Variants in GOLGA2 observed in about 807,000 individuals in gnomAD.
GOLGA2 encodes golgin A2, also known as golgin subfamily A member 2.
In GOLGA2, 49 loss-of-function variants were observed where a neutral mutation model predicts 148.8. That is an observed-to-expected ratio of 0.33 (90% CI 0.26 to 0.42). The LOEUF (loss-of-function observed/expected upper bound fraction) is 0.42, where lower values mean the gene tolerates loss of function less well. GOLGA2 is among the 10% of genes least tolerant of loss of function. GOLGA2 has a pLI of 1.00. For synonymous variants in GOLGA2, 501 were observed against 511.8 expected, an observed-to-expected ratio of 0.98 and a Z score of 0.28; for missense variants, 1,178 against 1,304.6, an observed-to-expected ratio of 0.90 and a Z score of 1.49.
At chr9:128,274,404 A>G (rs577265149) in intron 1 of GOLGA2, among the ~76,000 whole-genome samples, 2 of 152,318 alleles carry the variant, frequency 1.3e-5, no homozygotes, top group South Asian at 4.1e-4. Flanking sequence ...GAGGTGGAGA[A>G]GTCAAGCCTG....
chr9:128,262,927 C>T (rs1830360612), intron 13 of GOLGA2, 107 bp downstream of exon 13: 5 of 869,830 alleles, frequency 5.7e-6, no homozygotes, highest in Non-Finnish European at 9.7e-6. Flanking sequence ...GGCACACATG[C>T]ACACCTCTAT....
rs776699882 is a variant in GOLGA2 at position 128,268,511 on chromosome 9, T to C, written c.302A>G (p.Asn101Ser). The C allele has an allele frequency of 1.2e-5, 19 of 1,606,386 alleles. No homozygotes were observed. Among genetic ancestry groups the C allele is most frequent in the Non-Finnish European group, 1.4e-5 (17 of 1,174,440 alleles). The change falls in exon 4 of 27, where the codon AAT becomes AGT. Residue 101 changes from asparagine (N) to serine (S), a missense_variant. Transcript: ENST00000611957. ...PLDKWKTPKD[N>S]AATLQPSDDT... is the part of the protein sequence containing the mutation. ...ATCAGATGGTTGTAGAGTAGCAGCA[T>C]TGTCCTTGGGTGTCTGTCACAGAAC...
Position 128,267,182 on chromosome 9 carries a change from C to G in GOLGA2, c.642+12G>C. 2 of 1,504,938 alleles carry G rather than the reference C, an allele frequency of 1.3e-6. No individual in the cohort carries two copies. Among genetic ancestry groups the G allele is most frequent in the Non-Finnish European group, 1.9e-6 (2 of 1,080,550 alleles). The allele number at this position is 1,504,938 out of a possible 1,614,324, so 93.2% of individuals were successfully genotyped here. Reference sequence around the variant, plus strand: ...AGCAGCATGGAATCAGGGGACCCCACTGGACTCTTACCAATTTCTCTATCG... The same window carrying G: ...AGCAGCATGGAATCAGGGGACCCCAGTGGACTCTTACCAATTTCTCTATCG... On this transcript the variant is annotated intron_variant, in intron 8 of 26. Coordinates refer to ENST00000611957, the MANE Select transcript of GOLGA2 (RefSeq NM_001366244.2).
Position 128,268,403 on chromosome 9 carries a change from G to A in GOLGA2, c.393+17C>T, listed in dbSNP as rs1271786414. ...AGGTACAGGAGGGCAGTGGGCAGAG[G>A]GGGAGGAGGCACGAACCTGAGATGC... On this transcript the variant is annotated intron_variant, in intron 4 of 26. Transcript: ENST00000611957. 7.2e-7 allele frequency: 1 copy of A among 1,393,588 alleles called. No individual in the cohort carries two copies. Among genetic ancestry groups the A allele is most frequent in the African/African-American group, 1.4e-5 (1 of 70,828 alleles). 86.3% of individuals were successfully genotyped at this position (1,393,588 alleles called of 1,614,324 possible).
intron 12 of GOLGA2, among the ~76,000 whole-genome samples, chr9:128,265,313 G>A (rs1369788619): frequency 6.6e-6 from 1 of 152,100 alleles, no homozygotes; most frequent in South Asian, 2.1e-4. Context: ...CCCCACCTAG[G>A]ACTTGACCAA....
chr9:128,273,309 GGAGGAAACT>G (rs1831071886), intron 2 of GOLGA2, among the ~76,000 whole-genome samples: 1 of 152,228 alleles, frequency 6.6e-6, no homozygotes, highest in Non-Finnish European at 1.5e-5. Flanking sequence ...ACCTCACAGA[GGAGGAAACT>G]GAGGCCCAGG....
At position 128,257,535 on chromosome 9, in the gene GOLGA2, G is replaced by T. The variant is rs772411299; in HGVS notation, c.2719-10C>A. The T allele has an allele frequency of 1.9e-6, 3 of 1,613,916 alleles. No individual in the cohort carries two copies. The African/African-American group carries it at 4.0e-5, about 22-fold the overall frequency. ...GCTCCAGCAGCTTCACCTGGAGGGA[G>T]GGGTGCTAAGCTGCCATGCCCATGC... On this transcript the variant is annotated splice_polypyrimidine_tract_variant and intron_variant, in intron 25 of 26. Transcript: ENST00000611957. This position sits in a 1 kb window ranked among gnomAD's most constrained non-coding sequence, Gnocchi z 8.0.
At position 128,260,155 on chromosome 9, in the gene GOLGA2, T is replaced by A; in HGVS notation, c.1793A>T (p.Gln598Leu). 5 of 1,609,912 alleles carry A rather than the reference T, an allele frequency of 3.1e-6. No individual in the cohort carries two copies. The highest frequency in any genetic ancestry group is 4.2e-6 in the Non-Finnish European group (5 of 1,179,534). ...NENMEITSAL[Q>L]SEQHVKRELG... ...CTCCCTCTTGACGTGCTGCTCCGAC[T>A]GCAGTGCGCTGGTGATCTCCATGTT... Residue 598 changes from glutamine to leucine, a missense_variant, in exon 19 of 27, where the codon CAG (glutamine) becomes CTG (leucine). Around this residue, in one of 5 missense-constraint regions of GOLGA2, gnomAD observed 529 missense variants for 521.8 expected, o/e 1.01. Transcript: ENST00000611957. The surrounding 1 kb of genome is among the most constrained non-coding windows in gnomAD (Gnocchi z 4.8).
chr9:128,273,730 G>C (rs781295485), intron 2 of GOLGA2, 120 bp downstream of exon 2: 1 of 1,268,122 alleles, frequency 7.9e-7, no homozygotes, highest in Non-Finnish European at 1.1e-6. Context: ...CAGATGGACA[G>C]GTAGGATACA....
At chr9:128,275,400 G>T in intron 1 of GOLGA2, 4 of 1,286,080 alleles carry the variant, frequency 3.1e-6, no homozygotes, top group Non-Finnish European at 4.0e-6. Context: ...CCAAGTCGCC[G>T]CTCCGCGATG....
At position 128,265,710 on chromosome 9, in the gene GOLGA2, A is replaced by C. The variant is rs756276650; in HGVS notation, c.827-19T>G. The C allele has an allele frequency of 1.9e-6, 3 of 1,612,632 alleles. No homozygotes were observed. Among genetic ancestry groups the C allele is most frequent in the Non-Finnish European group, 2.5e-6 (3 of 1,178,660 alleles). On this transcript the variant is annotated intron_variant, in intron 11 of 26. Transcript: ENST00000611957. ...GACTCTCCTGGAATGAGAGAGGTTG[A>C]GATGGGGCCCAAAGGACTCCCCCTA...
chr9:128,260,586 T>TCCGCCTGCTCCCCCCAGAGCTCGG lies in GOLGA2; in HGVS notation c.1613_1636dup (p.Ala538_Ala545dup), dbSNP rs750606622. The TCCGCCTGCTCCCCCCAGAGCTCGG allele has an allele frequency of 3.1e-6, 5 of 1,611,592 alleles. No homozygotes were observed. The highest frequency in any genetic ancestry group is 1.3e-5 in the African/African-American group (1 of 74,918). On this transcript the variant is annotated inframe_insertion, in exon 18 of 27. Transcript: ENST00000611957. This position sits in a 1 kb window ranked among gnomAD's most constrained non-coding sequence, Gnocchi z 4.8. ...GGTCTCCAGGATTTGCCTGCGCGCCTCCGCCTGCTCCCCCCAGAGCTCGGC... is the reference window on the plus strand; with the variant it reads ...GGTCTCCAGGATTTGCCTGCGCGCCTCCGCCTGCTCCCCCCAGAGCTCGGCCGCCTGCTCCCCCCAGAGCTCGGC...
chr9:128,258,514 C>T lies in GOLGA2; in HGVS notation c.2230G>A (p.Val744Met). Residue 744 changes from valine (V) to methionine (M), a missense_variant, in exon 22 of 27, where the codon GTG (valine) becomes ATG (methionine). Val to Met is a conservative substitution (Grantham distance 21, BLOSUM62 1). Coordinates refer to ENST00000611957, the MANE Select transcript of GOLGA2 (RefSeq NM_001366244.2). This position sits in a 1 kb window ranked among gnomAD's most constrained non-coding sequence, Gnocchi z 6.6. Reference sequence around the variant, plus strand: ...CTTGGCATGGGCTGAGGTACTGCCACCGCCTCCTCCTCCTCCTCCTCCTCA... The same window carrying T: ...CTTGGCATGGGCTGAGGTACTGCCATCGCCTCCTCCTCCTCCTCCTCCTCA... ...EDEEEEEEEA[V>M]AVPQPMPSIP... 6.3e-7 allele frequency: 1 copy of T among 1,587,570 alleles called. No homozygotes were observed. Among genetic ancestry groups the T allele is most frequent in the Non-Finnish European group, 8.5e-7 (1 of 1,174,934 alleles).
In GOLGA2 at chr9:128,257,757, G is replaced by C. The variant is rs747378911; in HGVS notation, c.2611+33C>G. 2.2e-5 allele frequency: 35 copies of C among 1,608,720 alleles called. No individual in the cohort carries two copies. Among genetic ancestry groups the C allele is most frequent in the Non-Finnish European group, 2.8e-5 (33 of 1,175,118 alleles). ...CTGGGTTCCCTCCGACCGCTGTGCA[G>C]CTCCTCCTGCCGTGCCCTGGCCTCC... On this transcript the variant is annotated intron_variant, in intron 24 of 26. Transcript: ENST00000611957. This position sits in a 1 kb window ranked among gnomAD's most constrained non-coding sequence, Gnocchi z 8.0.
At chr9:128,275,506 G>C (rs1831269746) in intron 1 of GOLGA2, 1 of 1,305,656 alleles carries the variant, frequency 7.7e-7, no homozygotes, top group East Asian at 3.1e-5. Flanking sequence ...GGTGAGGGTC[G>C]AGTCTGGAGC....
chr9:128,267,336 T>A, intron 7 of GOLGA2, 62 bp from the exon 8 acceptor site: 1 of 1,350,472 alleles, frequency 7.4e-7, no homozygotes, highest in Non-Finnish European at 1.1e-6. Context: ...GAGAGAGCAA[T>A]CATTAGGGTT....
At position 128,267,388 on chromosome 9, in the gene GOLGA2, G is replaced by GC; in HGVS notation, c.561+69dup. The GC allele has an allele frequency of 3.4e-6, 5 of 1,480,708 alleles. 1 individual carries two copies. Among genetic ancestry groups the GC allele is most frequent in the Non-Finnish European group, 4.7e-6 (5 of 1,058,842 alleles). The allele number at this position is 1,480,708 out of a possible 1,614,324, so 91.7% of individuals were successfully genotyped here. ...GTCTCAGCTGGCAGAGGGGCACCCA[G>GC]CCCCCGCTGTGGGAGGAGGTTGGAG... On this transcript the variant is annotated intron_variant, in intron 7 of 26. Transcript: ENST00000611957.
At chr9:128,270,412 AT>A (rs1396403974) in intron 3 of GOLGA2, among the ~76,000 whole-genome samples, 1 of 152,096 alleles carries the variant, frequency 6.6e-6, no homozygotes, top group African/African-American at 2.4e-5. Context: ...GATTACAGGC[AT>A]GAGCTACTGC....
rs778761332 is a variant in GOLGA2, at chr9:128,258,249, G to C, written c.2290-51C>G. 1.8e-5 allele frequency: 25 copies of C among 1,414,492 alleles called. No homozygotes were observed. In the South Asian group the frequency reaches 2.9e-4, roughly 16 times the overall value. 87.6% of individuals were successfully genotyped at this position (1,414,492 alleles called of 1,614,324 possible). A position where few individuals can be genotyped will look rare whatever the true frequency, so the allele number is the denominator to read the frequency against. On this transcript the variant is annotated intron_variant, in intron 22 of 26. Coordinates refer to ENST00000611957, the MANE Select transcript of GOLGA2 (RefSeq NM_001366244.2). The surrounding 1 kb of genome is among the most constrained non-coding windows in gnomAD (Gnocchi z 6.6). The stretch of plus-strand genomic sequence containing the variant: ...GTAGGAGGATATATAGGATGAACAG[G>C]GCAGGGAGGTAGAGAGCAGCCCTTC...
Sources: allele counts gnomAD v4.1 joint callset (sites outside exome capture counted in the v4.1 genomes callset), GRCh38; gene constraint gnomAD v4.1.1; regional missense constraint gnomAD v4.1.1; non-coding constraint Gnocchi (gnomAD v3.1); transcripts MANE v1.5; gene names NCBI Gene and HGNC (gene_info 2026-07-23, HGNC 2026-07-21).